The following EXOC2 variants were observed in gnomAD, a reference collection of about 807,000 sequenced individuals.
EXOC2 encodes SEC5-like 1.
Under a neutral mutation model 131.8 loss-of-function variants are expected in EXOC2, and 70 were observed. The observed-to-expected ratio is 0.53, with a 90% CI of 0.44 to 0.65. The LOEUF is 0.65. Among genes scored for constraint, EXOC2 ranks in the 30% least tolerant of loss-of-function variants. The probability of loss-of-function intolerance (pLI) is 0.00; values close to 1 mark genes in which losing one functional copy is unlikely to be tolerated. For synonymous variants in EXOC2, 411 were observed against 398.4 expected, an observed-to-expected ratio of 1.03 and a Z score of -0.38; for missense variants, 923 against 1,108.6, an observed-to-expected ratio of 0.83 and a Z score of 2.38.
intron 22 of EXOC2, among the ~76,000 whole-genome samples, chr6:533,520 C>T (rs1436044554): frequency 1.3e-5 from 2 of 152,036 alleles, no homozygotes; most frequent in African/African-American, 2.4e-5. Context: ...GACACACGCT[C>T]GCTGTCATGG....
intron 1 of EXOC2, among the ~76,000 whole-genome samples, chr6:663,481 AC>A (rs1763506409): frequency 6.6e-6 from 1 of 152,152 alleles, no homozygotes; most frequent in South Asian, 2.1e-4. Flanking sequence ...AAAGGACATA[AC>A]AAAAAAGAAA....
Position 633,097 on chromosome 6 carries a change from T to C in EXOC2, c.139A>G (p.Asn47Asp). Residue 47 changes from asparagine (N) to aspartate (D), a missense_variant, in exon 3 of 28, where the codon AAT becomes GAT. By Grantham distance (23) the Asn-to-Asp change is conservative (BLOSUM62 1). Transcript: ENST00000230449. The stretch of plus-strand genomic sequence containing the variant: ...ATCCATTCTGCCGTCAGGAGGCAAT[T>C]ATGTCCACAAATGGTCAAGCCTGAA... ...DLIGLTICGH[N>D]CLLTAEWMSA... 6.2e-7 allele frequency: 1 copy of C among 1,613,546 alleles called. No homozygotes were observed. Among genetic ancestry groups the C allele is most frequent in the South Asian group, 1.1e-5 (1 of 91,050 alleles).
intron 11 of EXOC2, among the ~76,000 whole-genome samples, chr6:588,274 TA>T (rs1759327971): frequency 6.6e-6 from 1 of 152,164 alleles, no homozygotes; most frequent in Non-Finnish European, 1.5e-5. Context: ...AAAGAAAAAA[TA>T]AAATGTGAAT....
At chr6:599,050 CAT>C in intron 8 of EXOC2, 28 bp downstream of exon 8, 1 of 1,586,022 alleles carries the variant, frequency 6.3e-7, no homozygotes, top group Non-Finnish European at 8.6e-7. Context: ...CATCTACAAC[CAT>C]ATGTAAATAA....
At position 619,524 on chromosome 6, in the gene EXOC2, CCTT is replaced by C; in HGVS notation, c.439_441del (p.Lys147del). On this transcript the variant is annotated inframe_deletion, in exon 5 of 28. Transcript: ENST00000230449. The stretch of plus-strand genomic sequence containing the variant: ...ATTCCATGGAATAGCATTTCTAAGT[CCTT>C]CTGCGAAAATTTACTTCTGAGGGGA... 1 of 1,613,760 alleles carries C rather than the reference CCTT, an allele frequency of 6.2e-7. No homozygotes were observed. The highest frequency in any genetic ancestry group is 8.5e-7 in the Non-Finnish European group (1 of 1,179,848).
chr6:586,936 A>G lies in EXOC2; in HGVS notation c.1192+5533T>C, dbSNP rs547146638. Among the ~76,000 whole-genome samples, 64 of 152,350 alleles carry G rather than the reference A, an allele frequency of 4.2e-4. 1 individual carries two copies. The highest frequency in any genetic ancestry group is 4.1e-4 in the Non-Finnish European group (28 of 68,040). On this transcript the variant is annotated intron_variant, in intron 11 of 27. Coordinates refer to ENST00000230449, the MANE Select transcript of EXOC2 (RefSeq NM_018303.6). The stretch of plus-strand genomic sequence containing the variant: ...CGAAATAGAGCTAAAGGCATCCACA[A>G]AACTAGACAGTTTCCCAGATTTCTT...
At chr6:666,199 C>T (rs1763637887) in intron 1 of EXOC2, among the ~76,000 whole-genome samples, 1 of 152,212 alleles carries the variant, frequency 6.6e-6, no homozygotes, top group Non-Finnish European at 1.5e-5. Context: ...TCACATGAAA[C>T]ATTTTTAGCT....
chr6:686,780 G>A lies in EXOC2; in HGVS notation c.-44+6239C>T, dbSNP rs535319692. ...CAAGGACTGTCACTATGTTGCACAG[G>A]GAAAGGCTGCAGGTCTAAAGGTGAC... On this transcript the variant is annotated intron_variant, in intron 1 of 27. Transcript: ENST00000230449. Among the ~76,000 whole-genome samples, 6 of 152,286 alleles carry A rather than the reference G, an allele frequency of 3.9e-5. No homozygotes were observed. In the East Asian group the frequency reaches 5.8e-4, roughly 15 times the overall value.
intron 13 of EXOC2, among the ~76,000 whole-genome samples, chr6:570,058 T>C (rs561310856): frequency 6.6e-6 from 1 of 152,076 alleles, no homozygotes; most frequent in Admixed American, 6.5e-5. Context: ...TAGGAACTGA[T>C]GCAAATGAGG....
chr6:537,493 C>A (rs559317461), intron 22 of EXOC2, among the ~76,000 whole-genome samples: 1 of 151,954 alleles, frequency 6.6e-6, no homozygotes, highest in Non-Finnish European at 1.5e-5. Context: ...AGATGATGAC[C>A]GACGGAGCGT....
rs962223303 is a variant in EXOC2, at chr6:487,733, G to T, written c.2682-969C>A. ...GTCATCTAATTTTTAAAGCTAGGAA[G>T]GATCTTAGAGTTTTCCTGGTTTGGA... On this transcript the variant is annotated intron_variant, in intron 27 of 27. Transcript: ENST00000230449. Among the ~76,000 whole-genome samples the T allele has an allele frequency of 2.6e-5, 4 of 152,228 alleles. No homozygotes were observed. In the South Asian group the frequency reaches 6.2e-4, roughly 24 times the overall value.
At chr6:513,404 G>T (rs577922666) in intron 23 of EXOC2, among the ~76,000 whole-genome samples, 5 of 152,352 alleles carry the variant, frequency 3.3e-5, no homozygotes, top group South Asian at 2.1e-4. Flanking sequence ...GGAGGAAAAT[G>T]AGAAGAAACG....
chr6:579,645 T>A (rs1332620174), intron 11 of EXOC2, among the ~76,000 whole-genome samples: 1 of 152,168 alleles, frequency 6.6e-6, no homozygotes, highest in Non-Finnish European at 1.5e-5. Context: ...TTTCTTACTG[T>A]CAAAAAATAA....
chr6:621,189 C>T (rs1761272255), intron 4 of EXOC2, among the ~76,000 whole-genome samples: 1 of 152,206 alleles, frequency 6.6e-6, no homozygotes, highest in African/African-American at 2.4e-5. Flanking sequence ...TAAAATGCAG[C>T]CACCTCTACT....
intron 10 of EXOC2, among the ~76,000 whole-genome samples, chr6:593,428 G>A (rs1759652089): frequency 6.6e-6 from 1 of 152,176 alleles, no homozygotes; most frequent in South Asian, 2.1e-4. Flanking sequence ...CCACACTCAC[G>A]ACTGAGAAAA....
At position 564,974 on chromosome 6, in the gene EXOC2, A is replaced by T. The variant is rs751828347; in HGVS notation, c.1444-45T>A. The T allele has an allele frequency of 7.5e-6, 11 of 1,468,748 alleles. No individual in the cohort carries two copies. In the Admixed American group the frequency reaches 2.3e-4, roughly 30 times the overall value. The allele number at this position is 1,468,748 out of a possible 1,614,324, so 91.0% of individuals were successfully genotyped here. A position where few individuals can be genotyped will look rare whatever the true frequency, so the allele number is the denominator to read the frequency against. Reference sequence around the variant, plus strand: ...AAATAAAACATATTAGAAATAATTTAAAAATAAGAAATGCTTTAGCACTTG... The same window carrying T: ...AAATAAAACATATTAGAAATAATTTTAAAATAAGAAATGCTTTAGCACTTG... On this transcript the variant is annotated intron_variant, in intron 13 of 27. Transcript: ENST00000230449.
In EXOC2 at chr6:499,484, G is replaced by C. The variant is rs544243103; in HGVS notation, c.2436+161C>G. ...ACACACACACACACAGAGACAGAGA[G>C]AGACAGACAGTGCGAGCAAGAGCTG... is the stretch of plus-strand genomic sequence containing the variant. On this transcript the variant is annotated intron_variant, in intron 24 of 27. Coordinates refer to ENST00000230449, the MANE Select transcript of EXOC2 (RefSeq NM_018303.6). 3.3e-4 allele frequency among the ~76,000 whole-genome samples: 50 copies of C among 150,014 alleles called. No homozygotes were observed. In the East Asian group the frequency reaches 9.7e-3, roughly 29 times the overall value.
chr6:574,944 G>T (rs1758495668), intron 12 of EXOC2, among the ~76,000 whole-genome samples: 1 of 152,272 alleles, frequency 6.6e-6, no homozygotes, highest in African/African-American at 2.4e-5. Flanking sequence ...GCCATGGCCA[G>T]CTGCGTCAAG....
chr6:566,582 G>A (rs573597125), intron 13 of EXOC2, among the ~76,000 whole-genome samples: 2 of 152,346 alleles, frequency 1.3e-5, no homozygotes, highest in East Asian at 1.9e-4. Context: ...GAATCAGAAC[G>A]TGGTTGGTGG....
Sources: gnomAD v4.1 joint callset for allele counts (sites outside exome capture counted in the v4.1 genomes callset) on GRCh38, gnomAD v4.1.1 for gene constraint, MANE v1.5 for transcripts, NCBI Gene and HGNC (gene_info 2026-07-23, HGNC 2026-07-21) for gene names.